The following COL14A1 variants were observed in gnomAD, a reference collection of about 807,000 sequenced individuals.
COL14A1 encodes collagen alpha-1(XIV) chain.
In COL14A1, 136 loss-of-function variants were observed where a neutral mutation model predicts 230.3. That is an observed-to-expected ratio of 0.59 (90% CI 0.51 to 0.68). The LOEUF (loss-of-function observed/expected upper bound fraction) is 0.68. Ranked by LOEUF, COL14A1 falls within the 30% of genes least tolerant of loss-of-function variation. The probability of loss-of-function intolerance (pLI) is 0.00; values close to 1 mark genes in which losing one functional copy is unlikely to be tolerated. For missense variants in COL14A1, 1,976 were observed against 2,215.8 expected (o/e 0.89, Z 2.17); for synonymous variants, 792 against 784.1 (o/e 1.01, Z -0.17).
At chr8:120,246,773 G>A (rs895193555) in intron 20 of COL14A1, among the ~76,000 whole-genome samples, 1 of 152,108 alleles carries the variant, frequency 6.6e-6, no homozygotes, top group Non-Finnish European at 1.5e-5. Flanking sequence ...ATGACAAAAT[G>A]CATACAAATT....
intron 1 of COL14A1, among the ~76,000 whole-genome samples, chr8:120,138,292 AC>A (rs758052912): frequency 6.6e-6 from 1 of 152,146 alleles, no homozygotes; most frequent in Non-Finnish European, 1.5e-5. Context: ...TATTAAATTC[AC>A]ACATATTTAT....
intron 4 of COL14A1, among the ~76,000 whole-genome samples, chr8:120,166,874 A>AAG (rs1815894777): frequency 3.4e-5 from 2 of 58,656 alleles, no homozygotes; most frequent in South Asian, 7.6e-4. Context: ...AAAAGAATTT[A>AAG]AGTGTGTGTG....
At chr8:120,370,609 C>T in intron 47 of COL14A1, 3 of 1,451,308 alleles carry the variant, frequency 2.1e-6, no homozygotes, top group Non-Finnish European at 2.7e-6. Flanking sequence ...TAGACACTGA[C>T]TGCTCCATGT....
chr8:120,208,381 C>A lies in COL14A1; in HGVS notation c.1321+20C>A, dbSNP rs1207065256. ...CTACACGTATGTATTTAATTCTACC[C>A]CACTTCTAACTTTGTAGAGTGCTGC... On this transcript the variant is annotated intron_variant, in intron 11 of 47. Coordinates refer to ENST00000297848, the MANE Select transcript of COL14A1 (RefSeq NM_021110.4). 3 of 1,607,344 alleles carry A rather than the reference C, an allele frequency of 1.9e-6. No individual in the cohort carries two copies. The highest frequency in any genetic ancestry group is 1.7e-5 in the Admixed American group (1 of 59,846).
chr8:120,215,117 G>A (rs1195567681), intron 13 of COL14A1, among the ~76,000 whole-genome samples: 1 of 152,100 alleles, frequency 6.6e-6, no homozygotes, highest in African/African-American at 2.4e-5. Context: ...CGCCTGTAGT[G>A]CCAGCACTTT....
rs752816536 is a variant in COL14A1, at chr8:120,212,505, GA to G, written c.1527del (p.Glu509AspfsTer27). On this transcript the variant is annotated frameshift_variant, in exon 13 of 48. Coordinates refer to ENST00000297848, the MANE Select transcript of COL14A1 (RefSeq NM_021110.4). LOFTEE classifies it high-confidence loss of function. ...ATTGAGTGGGTTGTTGCCCAATACAGAATACACAGTCACAGTTTATGCCATG... is the reference window on the plus strand; with the variant it reads ...ATTGAGTGGGTTGTTGCCCAATACAGATACACAGTCACAGTTTATGCCATG... ...IELSGLLPNT[E>X]YTVTVYAMFG... The G allele has an allele frequency of 1.9e-6, 3 of 1,613,644 alleles. No individual in the cohort carries two copies. The South Asian group carries it at 3.3e-5, about 18-fold the overall frequency.
chr8:120,206,390 C>T (rs1415376682), intron 9 of COL14A1, among the ~76,000 whole-genome samples: 2 of 152,114 alleles, frequency 1.3e-5, no homozygotes, highest in African/African-American at 4.8e-5. Flanking sequence ...TTGCTCTATC[C>T]CCCAGGCTGG....
At chr8:120,141,922 A>G (rs1212429094) in intron 1 of COL14A1, among the ~76,000 whole-genome samples, 3 of 152,102 alleles carry the variant, frequency 2.0e-5, no homozygotes, top group Admixed American at 6.6e-5. Context: ...TTGTAGAGTC[A>G]GAGTCTCACT....
At chr8:120,311,435 T>C (rs1407206034) in intron 37 of COL14A1, among the ~76,000 whole-genome samples, 1 of 152,212 alleles carries the variant, frequency 6.6e-6, no homozygotes, top group African/African-American at 2.4e-5. Flanking sequence ...TGTTTGGTGA[T>C]CCCAAGACCT....
At chr8:120,177,541 C>G (rs1272933288) in intron 5 of COL14A1, among the ~76,000 whole-genome samples, 1 of 149,986 alleles carries the variant, frequency 6.7e-6, no homozygotes, top group African/African-American at 2.5e-5. Flanking sequence ...CTCAGCTACT[C>G]TGGAGGCTGA....
At chr8:120,316,267 T>C (rs79931707) in intron 40 of COL14A1, among the ~76,000 whole-genome samples, 3,262 of 152,270 alleles carry the variant, frequency 0.021, 49 homozygotes, top group Non-Finnish European at 0.033. Flanking sequence ...TACAGTTTAT[T>C]GTGTGCATTG....
chr8:120,348,808 T>C (rs1007756856), intron 45 of COL14A1, among the ~76,000 whole-genome samples: 1 of 152,212 alleles, frequency 6.6e-6, no homozygotes, highest in Non-Finnish European at 1.5e-5. Context: ...AAAATACATT[T>C]GACATCATGA....
intron 40 of COL14A1, among the ~76,000 whole-genome samples, chr8:120,330,375 T>C (rs1252598241): frequency 6.6e-6 from 1 of 152,168 alleles, no homozygotes; most frequent in African/African-American, 2.4e-5. Context: ...CTGGGTAATT[T>C]ATAAAGGAAA....
intron 38 of COL14A1, 30 bp from the exon 39 acceptor site, chr8:120,315,503 A>T: frequency 6.3e-7 from 1 of 1,588,624 alleles, no homozygotes; most frequent in Non-Finnish European, 8.6e-7. Context: ...ACCTATGTGA[A>T]CTTAACTCTG....
At chr8:120,369,518 T>G (rs1158916569) in intron 47 of COL14A1, 33 bp downstream of exon 47, 2 of 1,503,796 alleles carry the variant, frequency 1.3e-6, no homozygotes, top group Non-Finnish European at 1.8e-6. Flanking sequence ...CTTGTGGGCT[T>G]TGATCAATGT....
chr8:120,195,091 T>G (rs1016275548), intron 5 of COL14A1, among the ~76,000 whole-genome samples: 1 of 152,182 alleles, frequency 6.6e-6, no homozygotes, highest in Non-Finnish European at 1.5e-5. Flanking sequence ...AGTATTTCAT[T>G]GGCAAATTCA....
chr8:120,319,697 A>G (rs1821368783), intron 40 of COL14A1, among the ~76,000 whole-genome samples: 1 of 152,212 alleles, frequency 6.6e-6, no homozygotes, highest in Non-Finnish European at 1.5e-5. Flanking sequence ...GGCTTTTCCC[A>G]AGGGGAATCT....
intron 9 of COL14A1, 135 bp from the exon 10 acceptor site, chr8:120,206,808 T>G: frequency 1.2e-6 from 1 of 834,200 alleles, no homozygotes; most frequent in Non-Finnish European, 1.8e-6. Context: ...AATGGATAAC[T>G]GAATCAACTT....
chr8:120,145,302 C>T (rs770174797), intron 1 of COL14A1, among the ~76,000 whole-genome samples: 5 of 152,016 alleles, frequency 3.3e-5, no homozygotes, highest in Non-Finnish European at 2.9e-5. Context: ...GCATTGTGTA[C>T]CTATATTAGA....
Sources: gnomAD v4.1 joint callset for allele counts (sites outside exome capture counted in the v4.1 genomes callset) on GRCh38, gnomAD v4.1.1 for gene constraint, MANE v1.5 for transcripts, NCBI Gene and HGNC (gene_info 2026-07-23, HGNC 2026-07-21) for gene names.